The following BTD variants were observed in gnomAD, a reference collection of about 807,000 sequenced individuals.
The protein encoded by BTD is biocytinase.
BTD carries 13 observed loss-of-function variants against 17.7 expected under a neutral mutation model. That is an observed-to-expected ratio of 0.74 (90% CI 0.48 to 1.17). The LOEUF is 1.17. BTD is among the 50% of genes most tolerant of loss of function. The pLI is 0.00. For synonymous variants in BTD, 240 were observed against 245.2 expected (o/e 0.98, Z 0.20); for missense variants, 674 against 650.4 (o/e 1.04, Z -0.39).
chr3:15,651,148 T>A lies in BTD; in HGVS notation c.*5660T>A, dbSNP rs948416185. Among the ~76,000 whole-genome samples, 1 of 152,114 alleles carries A rather than the reference T, an allele frequency of 6.6e-6. No individual in the cohort carries two copies. Among genetic ancestry groups the A allele is most frequent in the East Asian group, 1.9e-4 (1 of 5,196 alleles). ...AGGGATGATAGGCTTAGCTCTGACC[T>A]GAAATTCATGGATTGAGGGGTGGGG... On this transcript the variant is annotated 3_prime_UTR_variant, in exon 4 of 4. Coordinates refer to ENST00000643237, the MANE Select transcript of BTD (RefSeq NM_001370658.1).
At chr3:15,700,471 A>AG (rs969714254) in intron 3 of BTD, among the ~76,000 whole-genome samples, 7 of 151,344 alleles carry the variant, frequency 4.6e-5, no homozygotes, top group African/African-American at 1.5e-4. Flanking sequence ...AAAAAAAAAA[A>AG]TTAATTAAAA....
intron 3 of BTD, chr3:15,695,133 G>A: frequency 7.3e-7 from 1 of 1,372,130 alleles, no homozygotes. Flanking sequence ...AAACATAACT[G>A]GTAGGAGGGA....
chr3:15,611,865 A>C (rs1451832945), intron 1 of BTD, among the ~76,000 whole-genome samples: 1 of 151,700 alleles, frequency 6.6e-6, no homozygotes, highest in African/African-American at 2.4e-5. Context: ...GGATTGAATG[A>C]GGTGATTATT....
chr3:15,674,746 G>A (rs546057248), intron 3 of BTD, among the ~76,000 whole-genome samples: 2 of 152,178 alleles, frequency 1.3e-5, no homozygotes, highest in Admixed American at 1.3e-4. Context: ...AATTAAGAAG[G>A]AATAACTAGT....
rs765335908 is a variant in BTD, at chr3:15,645,323, C to T, written c.1407C>T (p.Asn469=). 1.2e-6 allele frequency: 2 copies of T among 1,614,234 alleles called. No individual in the cohort carries two copies. Among genetic ancestry groups the T allele is most frequent in the Non-Finnish European group, 1.7e-6 (2 of 1,180,038 alleles). The change falls in exon 4 of 4, where the codon AAC becomes AAT. Residue 469 remains asparagine (N), a synonymous_variant. Transcript: ENST00000643237. The part of the protein sequence containing the change: ...TGIFEFHLWG[N]FSTSYIFPLF... ...TATTTGAGTTTCACCTGTGGGGCAACTTCAGTACTTCCTATATCTTTCCTT... is the reference window on the plus strand; with the variant it reads ...TATTTGAGTTTCACCTGTGGGGCAATTTCAGTACTTCCTATATCTTTCCTT...
chr3:15,669,896 T>G (rs748323532), intron 3 of BTD: 3 of 168,604 alleles, frequency 1.8e-5, no homozygotes, highest in Non-Finnish European at 3.9e-5. Context: ...TTAAATTTAG[T>G]TGTAATTTTA....
downstream of BTD, among the ~76,000 whole-genome samples, chr3:15,717,542 A>G (rs1444750585): frequency 6.6e-6 from 1 of 152,062 alleles, no homozygotes; most frequent in African/African-American, 2.4e-5. Context: ...AAAAAGAAAA[A>G]TAACAAAAAC....
intron 3 of BTD, chr3:15,684,757 C>A: frequency 6.6e-6 from 1 of 152,012 alleles, no homozygotes; most frequent in Non-Finnish European, 1.4e-5. Context: ...AAAATACAAG[C>A]ACACTATATA....
chr3:15,676,310 T>C (rs949328406), intron 3 of BTD: 8 of 218,166 alleles, frequency 3.7e-5, no homozygotes, highest in Non-Finnish European at 6.3e-5. Context: ...ATTCCTCCGT[T>C]GTTAAGGAAT....
Position 15,689,577 on chromosome 3 carries a change from A to G in BTD, c.400-20483A>G, listed in dbSNP as rs146342574. 4.1e-3 allele frequency among the ~76,000 whole-genome samples: 629 copies of G among 152,348 alleles called. 8 individuals are homozygous for G. The highest frequency in any genetic ancestry group is 0.022 in the East Asian group (114 of 5,188). ...GAGCTTCTTTTCATGAGAGCAGGAC[A>G]GTTTTAATGACTTCTTAAACACTTG... is the stretch of plus-strand genomic sequence containing the variant. On this transcript the variant is annotated intron_variant, in intron 3 of 3. Coordinates refer to the BTD transcript ENST00000672141.
intron 3 of BTD, among the ~76,000 whole-genome samples, chr3:15,666,723 A>G (rs1227007987): frequency 6.6e-6 from 1 of 152,114 alleles, no homozygotes; most frequent in Non-Finnish European, 1.5e-5. Context: ...CTAAGTGCCA[A>G]TATATCTACT....
intron 3 of BTD, chr3:15,678,072 T>C (rs2067140312): frequency 1.2e-6 from 1 of 840,330 alleles, no homozygotes; most frequent in African/African-American, 1.7e-5. Flanking sequence ...AATGAAAATG[T>C]GGATTGCAAA....
Position 15,645,265 on chromosome 3 carries a change from C to T in BTD, c.1349C>T (p.Thr450Ile), listed in dbSNP as rs1166669081. Residue 450 changes from threonine to isoleucine, a missense_variant, in exon 4 of 4, where the codon ACC (threonine) becomes ATC (isoleucine). Thr to Ile is a moderately conservative substitution (Grantham distance 89). Transcript: ENST00000643237. ...AGGTGTGGGGGTCTTGGCTTCGACACCTGTGGACAGGAAATCACAGAGGCC... is the reference window on the plus strand; with the variant it reads ...AGGTGTGGGGGTCTTGGCTTCGACATCTGTGGACAGGAAATCACAGAGGCC... ...LVRCGGLGFD[T>I]CGQEITEATG... 1 of 1,614,188 alleles carries T rather than the reference C, an allele frequency of 6.2e-7. No individual in the cohort carries two copies. Among genetic ancestry groups the T allele is most frequent in the South Asian group, 1.1e-5 (1 of 91,082 alleles).
chr3:15,651,941 T>C lies in BTD; in HGVS notation c.*6453T>C, dbSNP rs1443269194. ...GTGCTCCCCACCTGCTGGTATCCGT[T>C]GTACAACACTTCCCACATTTTTCTG... is the stretch of plus-strand genomic sequence containing the variant. On this transcript the variant is annotated 3_prime_UTR_variant, in exon 4 of 4. Transcript: ENST00000643237. Among the ~76,000 whole-genome samples the C allele has an allele frequency of 6.6e-6, 1 of 152,212 alleles. No individual in the cohort carries two copies. Among genetic ancestry groups the C allele is most frequent in the Non-Finnish European group, 1.5e-5 (1 of 68,032 alleles).
At chr3:15,721,587 C>A (rs1470315774) in intron 4 of BTD, among the ~76,000 whole-genome samples, 1 of 151,840 alleles carries the variant, frequency 6.6e-6, no homozygotes, top group African/African-American at 2.4e-5. Flanking sequence ...AAGTACAGAT[C>A]AAGATTTAAA....
At chr3:15,674,873 A>AC (rs1304589525) in intron 3 of BTD, among the ~76,000 whole-genome samples, 2 of 152,232 alleles carry the variant, frequency 1.3e-5, no homozygotes, top group African/African-American at 2.4e-5. Context: ...AGAGCTAAGT[A>AC]GTAGTTAACA....
At chr3:15,628,713 T>C (rs2065127947) in intron 1 of BTD, among the ~76,000 whole-genome samples, 1 of 152,246 alleles carries the variant, frequency 6.6e-6, no homozygotes, top group Admixed American at 6.5e-5. Context: ...TTTATGTGTG[T>C]GTATTTTCCT....
downstream of BTD, among the ~76,000 whole-genome samples, chr3:15,713,365 A>AT (rs2072580074): frequency 6.6e-6 from 1 of 152,240 alleles, no homozygotes; most frequent in African/African-American, 2.4e-5. Context: ...ATTGTATTTA[A>AT]ACATTTTAAC....
At chr3:15,708,083 T>C (rs1400424107) in intron 3 of BTD, 1 of 1,585,548 alleles carries the variant, frequency 6.3e-7, no homozygotes. Flanking sequence ...TCCAAGTTAA[T>C]ACAAGAAAGA....
Sources: allele counts gnomAD v4.1 joint callset (sites outside exome capture counted in the v4.1 genomes callset), GRCh38; gene constraint gnomAD v4.1.1; transcripts MANE v1.5; gene names NCBI Gene and HGNC (gene_info 2026-07-23, HGNC 2026-07-21).